Variants in AMBRA1 observed in about 807,000 individuals in gnomAD.
AMBRA1 encodes the protein autophagy and beclin 1 regulator 1, also known as activating molecule in BECN1-regulated autophagy protein 1.
A neutral mutation model predicts 125.4 loss-of-function variants in AMBRA1; 47 were observed. The ratio of observed to expected loss-of-function variants is 0.37; its 90% confidence interval spans 0.30 to 0.48. AMBRA1 has a LOEUF of 0.48. AMBRA1 is among the 20% of genes least tolerant of loss of function. The pLI is 0.99. For missense variants in AMBRA1, 1,331 were observed against 1,693.4 expected (o/e 0.79, Z 3.76); for synonymous variants, 626 against 655.5 (o/e 0.95, Z 0.69).
chr11:46,554,174 T>A (rs1242124122), intron 1 of AMBRA1, among the ~76,000 whole-genome samples: 9 of 152,228 alleles, frequency 5.9e-5, no homozygotes. Flanking sequence ...GAGTCCTTTG[T>A]CTTAACAGTG....
intron 17 of AMBRA1, among the ~76,000 whole-genome samples, chr11:46,407,183 G>A (rs1347741158): frequency 2.0e-5 from 3 of 152,278 alleles, no homozygotes; most frequent in African/African-American, 4.8e-5. Flanking sequence ...CAGCTTAGGT[G>A]ACAGAGTGAG....
intron 15 of AMBRA1, among the ~76,000 whole-genome samples, chr11:46,412,151 G>A (rs957237467): frequency 3.9e-5 from 6 of 152,152 alleles, no homozygotes; most frequent in Admixed American, 3.9e-4. Flanking sequence ...GGTATCTTTG[G>A]GGAATTGGTT....
At chr11:46,503,060 CAAAAAAA>C (rs35217088) in intron 9 of AMBRA1, among the ~76,000 whole-genome samples, 96 of 31,004 alleles carry the variant, frequency 3.1e-3, no homozygotes, top group East Asian at 0.015. Context: ...GACTCTGTCT[CAAAAAAA>C]AAAAAAAAAA....
chr11:46,569,034 T>C (rs1348210329), intron 1 of AMBRA1, among the ~76,000 whole-genome samples: 3 of 151,692 alleles, frequency 2.0e-5, no homozygotes, highest in Non-Finnish European at 4.4e-5. Flanking sequence ...CTTGAACTCT[T>C]AACCTCAGGC....
chr11:46,585,686 AAAAAAAAAAATATATATATATAT>A (rs2044353113), intron 1 of AMBRA1, among the ~76,000 whole-genome samples: 2 of 64,288 alleles, frequency 3.1e-5, no homozygotes, highest in Non-Finnish European at 6.7e-5. Context: ...AAAAAAAAAA[AAAAAAAAAAATATATATATATAT>A]ATATATATAT....
chr11:46,524,120 G>A (rs984580096), intron 7 of AMBRA1, among the ~76,000 whole-genome samples: 2 of 152,088 alleles, frequency 1.3e-5, no homozygotes, highest in Non-Finnish European at 2.9e-5. Flanking sequence ...CGCCCACCTC[G>A]GCCTCCCAAA....
intron 1 of AMBRA1, among the ~76,000 whole-genome samples, chr11:46,585,212 G>GCGGAAGGC (rs1342904523): frequency 2.6e-5 from 4 of 152,058 alleles, no homozygotes; most frequent in African/African-American, 9.7e-5. Flanking sequence ...CACAAACACT[G>GCGGAAGGC]CGGAAGGCCG....
At chr11:46,589,762 G>A (rs1273468098) in intron 1 of AMBRA1, among the ~76,000 whole-genome samples, 2 of 151,868 alleles carry the variant, frequency 1.3e-5, no homozygotes, top group African/African-American at 2.4e-5. Context: ...TGGGACTACA[G>A]GCGCCCACCA....
At chr11:46,469,838 CTTTTTTT>C (rs34785738) in intron 11 of AMBRA1, among the ~76,000 whole-genome samples, 5 of 128,314 alleles carry the variant, frequency 3.9e-5, no homozygotes, top group East Asian at 4.5e-4. Flanking sequence ...CTAACTTAAA[CTTTTTTT>C]TTTTTTTTTT....
At chr11:46,503,964 G>A (rs1482741743) in intron 9 of AMBRA1, among the ~76,000 whole-genome samples, 2 of 152,180 alleles carry the variant, frequency 1.3e-5, no homozygotes, top group African/African-American at 2.4e-5. Flanking sequence ...CTCCCAAAGT[G>A]CTGAGATTAC....
chr11:46,561,655 T>C (rs777407570), intron 1 of AMBRA1, among the ~76,000 whole-genome samples: 8 of 152,200 alleles, frequency 5.3e-5, no homozygotes, highest in East Asian at 3.8e-4. Flanking sequence ...TCCAATCTTA[T>C]AGTCAGCCCA....
chr11:46,414,212 C>T (rs1368716241), intron 15 of AMBRA1, among the ~76,000 whole-genome samples: 2 of 152,196 alleles, frequency 1.3e-5, no homozygotes, highest in African/African-American at 4.8e-5. Context: ...ATCAGTGACA[C>T]GACGGGAGAG....
At chr11:46,446,219 T>G (rs1028673319) in intron 11 of AMBRA1, among the ~76,000 whole-genome samples, 1 of 152,160 alleles carries the variant, frequency 6.6e-6, no homozygotes, top group African/African-American at 2.4e-5. Flanking sequence ...AAACACAGAT[T>G]AGGGAGCTAA....
intron 14 of AMBRA1, chr11:46,428,900 T>C: frequency 6.2e-7 from 1 of 1,611,914 alleles, no homozygotes; most frequent in Non-Finnish European, 8.5e-7. Context: ...TGGGGGCAGA[T>C]GAAGGTAATC....
intron 11 of AMBRA1, among the ~76,000 whole-genome samples, chr11:46,447,131 G>A (rs563170561): frequency 2.0e-5 from 3 of 152,214 alleles, no homozygotes; most frequent in African/African-American, 4.8e-5. Flanking sequence ...CAAAGTGGTC[G>A]GGCATGGTGG....
chr11:46,586,384 G>A (rs1210314933), intron 1 of AMBRA1, among the ~76,000 whole-genome samples: 1 of 152,072 alleles, frequency 6.6e-6, no homozygotes, highest in Non-Finnish European at 1.5e-5. Flanking sequence ...ACCAGAGCAA[G>A]ACTGTCTCCA....
chr11:46,436,186 A>G (rs1947708981), intron 12 of AMBRA1, among the ~76,000 whole-genome samples: 1 of 152,238 alleles, frequency 6.6e-6, no homozygotes, highest in Admixed American at 6.5e-5. Context: ...CTACTGCAGT[A>G]ATCCAAAAAA....
At chr11:46,414,658 G>A (rs1946451504) in intron 15 of AMBRA1, among the ~76,000 whole-genome samples, 1 of 152,232 alleles carries the variant, frequency 6.6e-6, no homozygotes, top group South Asian at 2.1e-4. Context: ...GGTGCTGGCT[G>A]GCTGGCAGGC....
chr11:46,549,986 T>G (rs1020118073), intron 1 of AMBRA1, among the ~76,000 whole-genome samples: 4 of 152,142 alleles, frequency 2.6e-5, no homozygotes, highest in African/African-American at 9.7e-5. Context: ...ACCCAGCTAA[T>G]TTTTGTATTT....
Sources: gnomAD v4.1 joint callset for allele counts (sites outside exome capture counted in the v4.1 genomes callset) on GRCh38, gnomAD v4.1.1 for gene constraint, MANE v1.5 for transcripts, NCBI Gene and HGNC (gene_info 2026-07-23, HGNC 2026-07-21) for gene names.